The following ANTXR2 variants were observed in gnomAD, a reference collection of about 807,000 sequenced individuals.
ANTXR2 encodes the protein ANTXR cell adhesion molecule 2.
A neutral mutation model predicts 73.7 loss-of-function variants in ANTXR2; 44 were observed. The observed-to-expected ratio is 0.60, with a 90% CI of 0.47 to 0.77. ANTXR2 has a LOEUF of 0.77. ANTXR2 is among the 30% of genes least tolerant of loss of function. ANTXR2 has a pLI of 0.00. For missense variants in ANTXR2, 604 were observed against 592.5 expected, an observed-to-expected ratio of 1.02 and a Z score of -0.20; for synonymous variants, 217 against 205.9, an observed-to-expected ratio of 1.05 and a Z score of -0.46.
In ANTXR2 at chr4:80,071,631, C is replaced by T; in HGVS notation, c.176G>A (p.Trp59Ter). 6.2e-7 allele frequency: 1 copy of T among 1,613,186 alleles called. No individual in the cohort carries two copies. The highest frequency in any genetic ancestry group is 1.1e-5 in the South Asian group (1 of 91,060). ...LDKSGSVANN[W>*]IEIYNFVQQL... ...CTGTACGAAATTATAAATTTCAATC[C>T]AGTTATTTGCCACACTCCCAGACCT... is the stretch of plus-strand genomic sequence containing the variant. The change falls in exon 2 of 17, where the codon TGG becomes TAG. Residue 59 changes from tryptophan to a stop codon, truncating the protein, a stop_gained. Transcript: ENST00000403729. LOFTEE classifies it high-confidence loss of function.
At chr4:80,020,837 G>T (rs1485729795) in intron 10 of ANTXR2, among the ~76,000 whole-genome samples, 1 of 152,132 alleles carries the variant, frequency 6.6e-6, no homozygotes, top group Non-Finnish European at 1.5e-5. Flanking sequence ...TCTGTGTAAA[G>T]TATTTACTTC....
At chr4:80,017,134 C>G (rs1182548574) in intron 11 of ANTXR2, among the ~76,000 whole-genome samples, 2 of 152,186 alleles carry the variant, frequency 1.3e-5, no homozygotes, top group African/African-American at 4.8e-5. Flanking sequence ...AACTATACAC[C>G]CTACAGGATC....
intron 12 of ANTXR2, among the ~76,000 whole-genome samples, chr4:79,989,819 T>C (rs1008838872): frequency 6.6e-4 from 100 of 152,140 alleles, no homozygotes; most frequent in African/African-American, 2.3e-3. Context: ...GATGCAAGGT[T>C]GGCTCAACAT....
chr4:79,934,420 G>A (rs185845000), intron 16 of ANTXR2, among the ~76,000 whole-genome samples: 30 of 152,048 alleles, frequency 2.0e-4, no homozygotes, highest in African/African-American at 7.2e-4. Flanking sequence ...CCAGCTACTT[G>A]GGAGGCTGAG....
chr4:80,037,639 T>A (rs1733040140), intron 7 of ANTXR2, among the ~76,000 whole-genome samples: 1 of 152,128 alleles, frequency 6.6e-6, no homozygotes, highest in South Asian at 2.1e-4. Flanking sequence ...ACATTCACTT[T>A]TATGGATTCA....
rs570393857 is a variant in ANTXR2 at position 80,060,951 on chromosome 4, G to C, written c.297-4938C>G. ...TTGAGCCACTGGAATGGCTAGAAGC[G>C]GAATGCCTTCACATGGTTAGCAAGT... is the stretch of plus-strand genomic sequence containing the variant. On this transcript the variant is annotated intron_variant, in intron 3 of 16. Coordinates refer to ENST00000403729, the MANE Select transcript of ANTXR2 (RefSeq NM_058172.6). 7.9e-5 allele frequency among the ~76,000 whole-genome samples: 12 copies of C among 152,184 alleles called. No homozygotes were observed. In the South Asian group the frequency reaches 2.3e-3, roughly 29 times the overall value.
intron 10 of ANTXR2, among the ~76,000 whole-genome samples, chr4:80,024,483 G>GGACA (rs989487420): frequency 6.6e-6 from 1 of 152,230 alleles, no homozygotes; most frequent in African/African-American, 2.4e-5. Flanking sequence ...GAGGGGCACT[G>GGACA]GACACTGTGG....
At chr4:79,909,536 A>T (rs1449999628) in intron 16 of ANTXR2, among the ~76,000 whole-genome samples, 1 of 114,664 alleles carries the variant, frequency 8.7e-6, no homozygotes. Context: ...TGGAAACTTG[A>T]AGGAAGAAAA....
Position 79,983,986 on chromosome 4 carries a change from T to C in ANTXR2, c.1087-16A>G, listed in dbSNP as rs1729996967. 6.6e-7 allele frequency: 1 copy of C among 1,510,222 alleles called. No homozygotes were observed. The highest frequency in any genetic ancestry group is 1.4e-5 in the African/African-American group (1 of 70,226). The allele number at this position is 1,510,222 out of a possible 1,614,324, so 93.6% of individuals were successfully genotyped here. A position where few individuals can be genotyped will look rare whatever the true frequency, so the allele number is the denominator to read the frequency against. On this transcript the variant is annotated splice_polypyrimidine_tract_variant and intron_variant, in intron 13 of 16. Transcript: ENST00000403729. ...CTTCTTCCTCCTGTGGAAATATGTT[T>C]TATAAATAGTTTTTAATTAATTTCT...
chr4:80,051,251 A>C (rs909633614), intron 7 of ANTXR2, among the ~76,000 whole-genome samples: 1 of 151,700 alleles, frequency 6.6e-6, no homozygotes, highest in Non-Finnish European at 1.5e-5. Context: ...GACTCACTGA[A>C]ATTTTCCTCC....
At chr4:80,036,900 T>C (rs1733001266) in intron 7 of ANTXR2, among the ~76,000 whole-genome samples, 1 of 152,168 alleles carries the variant, frequency 6.6e-6, no homozygotes, top group East Asian at 1.9e-4. Context: ...CCCTCTTACT[T>C]GCATAAAAAA....
intron 7 of ANTXR2, among the ~76,000 whole-genome samples, chr4:80,044,772 A>C (rs1733438095): frequency 6.6e-6 from 1 of 151,914 alleles, no homozygotes; most frequent in Non-Finnish European, 1.5e-5. Context: ...ATTCCAGAAG[A>C]ATGAAATAAA....
At chr4:79,937,313 G>C (rs1327427921) in intron 16 of ANTXR2, among the ~76,000 whole-genome samples, 2 of 152,064 alleles carry the variant, frequency 1.3e-5, no homozygotes, top group Non-Finnish European at 2.9e-5. Context: ...GCACAAAATT[G>C]AGCAGAAGAA....
chr4:80,047,305 GAAT>G (rs199843375), intron 7 of ANTXR2, among the ~76,000 whole-genome samples: 1 of 151,356 alleles, frequency 6.6e-6, no homozygotes, highest in African/African-American at 2.4e-5. Context: ...TTAATAAAAT[GAAT>G]AATTTAAAGG....
intron 16 of ANTXR2, among the ~76,000 whole-genome samples, chr4:79,929,961 T>C (rs1727994182): frequency 6.6e-6 from 1 of 152,162 alleles, no homozygotes; most frequent in Non-Finnish European, 1.5e-5. Context: ...CTGTGACAAG[T>C]ACTATTATAC....
chr4:80,068,172 C>G lies in ANTXR2; in HGVS notation c.296+1264G>C, dbSNP rs112553135. Reference sequence around the variant, plus strand: ...ATTAAGTGAATTATAAATAAGTTCTCTCCCCCAGTTCCTTTAGATATTATG... The same window carrying G: ...ATTAAGTGAATTATAAATAAGTTCTGTCCCCCAGTTCCTTTAGATATTATG... On this transcript the variant is annotated intron_variant, in intron 3 of 16. Coordinates refer to ENST00000403729, the MANE Select transcript of ANTXR2 (RefSeq NM_058172.6). Among the ~76,000 whole-genome samples the G allele has an allele frequency of 2.3e-3, 343 of 152,274 alleles. 4 individuals are homozygous for G. Among genetic ancestry groups the G allele is most frequent in the African/African-American group, 7.8e-3 (325 of 41,566 alleles).
chr4:80,015,704 A>G (rs976704280), intron 11 of ANTXR2, among the ~76,000 whole-genome samples: 6 of 151,810 alleles, frequency 4.0e-5, no homozygotes, highest in Non-Finnish European at 4.4e-5. Flanking sequence ...ACAAGGAAAA[A>G]GAGAAAAGAA....
At chr4:79,944,815 G>T (rs1728456846) in intron 16 of ANTXR2, among the ~76,000 whole-genome samples, 1 of 152,044 alleles carries the variant, frequency 6.6e-6, no homozygotes, top group Non-Finnish European at 1.5e-5. Context: ...CTACCCCAAT[G>T]TTTTCTCCCT....
intron 12 of ANTXR2, among the ~76,000 whole-genome samples, chr4:79,989,696 C>T (rs35040186): frequency 0.068 from 10,368 of 152,066 alleles, 442 homozygotes; most frequent in Middle Eastern, 0.11. Flanking sequence ...AAACTTCAGG[C>T]CAATATGCCT....
Sources: allele counts gnomAD v4.1 joint callset (sites outside exome capture counted in the v4.1 genomes callset), GRCh38; gene constraint gnomAD v4.1.1; transcripts MANE v1.5; gene names NCBI Gene and HGNC (gene_info 2026-07-23, HGNC 2026-07-21).